GRIN2B: variants seen among roughly 807,000 people sequenced by gnomAD.
GRIN2B encodes glutamate ionotropic receptor NMDA type subunit 2B.
GRIN2B carries 5 observed loss-of-function variants against 114.5 expected under a neutral mutation model. That is an observed-to-expected ratio of 0.04 (90% confidence interval 0.02 to 0.09). GRIN2B has a LOEUF of 0.09. Ranked by LOEUF, GRIN2B falls within the 10% of genes least tolerant of loss-of-function variation. The probability of loss-of-function intolerance (pLI) is 1.00; values close to 1 mark genes in which losing one functional copy is unlikely to be tolerated. For missense variants in GRIN2B, 1,108 were observed against 1,943.5 expected (o/e 0.57, Z 8.08); for synonymous variants, 787 against 745.1 (o/e 1.06, Z -0.92).
chr12:13,640,966 A>G (rs1201082794), intron 5 of GRIN2B, among the ~76,000 whole-genome samples: 1 of 152,154 alleles, frequency 6.6e-6, no homozygotes, highest in Non-Finnish European at 1.5e-5. Flanking sequence ...GAGAAGAACC[A>G]TTTAGGGTAT....
chr12:13,957,180 T>C (rs1396684864), intron 2 of GRIN2B, among the ~76,000 whole-genome samples: 3 of 152,220 alleles, frequency 2.0e-5, no homozygotes, highest in Non-Finnish European at 4.4e-5. Flanking sequence ...TCATTTTCTG[T>C]TGCTTCCACT....
At chr12:13,850,816 C>T (rs779559609) in intron 3 of GRIN2B, among the ~76,000 whole-genome samples, 5 of 152,200 alleles carry the variant, frequency 3.3e-5, no homozygotes, top group Non-Finnish European at 7.3e-5. Flanking sequence ...CCATGGACTT[C>T]ACTGTCATTT....
chr12:13,772,336 T>G (rs1863922024), intron 3 of GRIN2B, among the ~76,000 whole-genome samples: 1 of 152,180 alleles, frequency 6.6e-6, no homozygotes, highest in Non-Finnish European at 1.5e-5. Context: ...CCTCTAGGCT[T>G]GTCCACTCTG....
At chr12:13,962,272 C>T (rs1867708556) in intron 2 of GRIN2B, among the ~76,000 whole-genome samples, 1 of 152,118 alleles carries the variant, frequency 6.6e-6, no homozygotes, top group South Asian at 2.1e-4. Flanking sequence ...TTCTTGTCTC[C>T]ACATCTACTT....
chr12:13,678,307 C>T (rs990348862), intron 4 of GRIN2B, among the ~76,000 whole-genome samples: 1 of 152,112 alleles, frequency 6.6e-6, no homozygotes, highest in African/African-American at 2.4e-5. Context: ...TAAGTTTCCC[C>T]AGTAAATCCT....
chr12:13,962,122 G>A (rs146259589), intron 2 of GRIN2B, among the ~76,000 whole-genome samples: 113 of 47,742 alleles, frequency 2.4e-3, no homozygotes, highest in African/African-American at 5.7e-3. Context: ...ACACACACAC[G>A]TGCACGAAGC....
chr12:13,909,239 A>T (rs1866592482), intron 2 of GRIN2B, among the ~76,000 whole-genome samples: 1 of 152,210 alleles, frequency 6.6e-6, no homozygotes, highest in African/African-American at 2.4e-5. Flanking sequence ...TGTATAGAAG[A>T]TCATATGCTA....
intron 3 of GRIN2B, among the ~76,000 whole-genome samples, chr12:13,856,547 G>A (rs1225143042): frequency 2.0e-5 from 3 of 152,068 alleles, no homozygotes; most frequent in Admixed American, 1.3e-4. Context: ...CTGTCGGAGG[G>A]GAAGGGAGGG....
intron 2 of GRIN2B, among the ~76,000 whole-genome samples, chr12:13,889,090 G>A (rs1249522877): frequency 3.3e-5 from 5 of 152,044 alleles, no homozygotes; most frequent in Admixed American, 2.6e-4. Flanking sequence ...CATTCTATAA[G>A]CTTTTTTCTA....
Position 13,576,548 on chromosome 12 carries a change from TTTTTC to T in GRIN2B, c.2011-4589_2011-4585del, listed in dbSNP as rs1316714747. On this transcript the variant is annotated intron_variant, in intron 10 of 13. Coordinates refer to ENST00000609686, the MANE Select transcript of GRIN2B (RefSeq NM_000834.5). ...TAGTACTCTTTATTTTCTTTTTTCT[TTTTTC>T]TTTTTTTTTTTGAAACAGAGTCTCA... Among the ~76,000 whole-genome samples, 21 of 145,130 alleles carry T rather than the reference TTTTTC, an allele frequency of 1.4e-4. No homozygotes were observed. The East Asian group carries it at 5.8e-3, about 40-fold the overall frequency.
At chr12:13,911,578 G>A (rs1866628068) in intron 2 of GRIN2B, among the ~76,000 whole-genome samples, 1 of 152,086 alleles carries the variant, frequency 6.6e-6, no homozygotes, top group African/African-American at 2.4e-5. Flanking sequence ...CTTTCTGGTG[G>A]GTCCCTTTTC....
At chr12:13,870,246 G>T (rs1865885366) in intron 2 of GRIN2B, among the ~76,000 whole-genome samples, 2 of 152,110 alleles carry the variant, frequency 1.3e-5, no homozygotes, top group Non-Finnish European at 2.9e-5. Context: ...AATCACTCAG[G>T]CCAGGGCCAG....
intron 2 of GRIN2B, among the ~76,000 whole-genome samples, chr12:13,884,997 C>T (rs1288480450): frequency 6.6e-6 from 1 of 151,918 alleles, no homozygotes; most frequent in Non-Finnish European, 1.5e-5. Context: ...TGAAGGATCA[C>T]AGAAAGTAAG....
intron 3 of GRIN2B, among the ~76,000 whole-genome samples, chr12:13,778,356 C>T (rs764752346): frequency 3.9e-5 from 6 of 152,172 alleles, no homozygotes; most frequent in African/African-American, 9.7e-5. Context: ...CAACTTTCTT[C>T]GATCATATTA....
chr12:13,806,582 G>C (rs1275014515), intron 3 of GRIN2B, among the ~76,000 whole-genome samples: 1 of 151,966 alleles, frequency 6.6e-6, no homozygotes, highest in Non-Finnish European at 1.5e-5. Flanking sequence ...TAGTTTTCTT[G>C]CTATTGAGTT....
At position 13,563,674 on chromosome 12, in the gene GRIN2B, G is replaced by T; in HGVS notation, c.3564C>A (p.Gly1188=). The part of the protein sequence containing the change: ...HIKHGTGDKH[G]VVSGVPAPWE... The stretch of plus-strand genomic sequence containing the variant: ...AAGGTGCAGGTACCCCGCTGACCAC[G>T]CCGTGTTTGTCGCCCGTCCCGTGCT... Residue 1188 remains glycine (G), a synonymous_variant, in exon 14 of 14, where the codon GGC becomes GGA. Transcript: ENST00000609686. The T allele has an allele frequency of 6.2e-7, 1 of 1,613,464 alleles. No individual in the cohort carries two copies. Among genetic ancestry groups the T allele is most frequent in the Non-Finnish European group, 8.5e-7 (1 of 1,179,972 alleles).
At chr12:13,936,854 A>T (rs1867137703) in intron 2 of GRIN2B, among the ~76,000 whole-genome samples, 2 of 152,128 alleles carry the variant, frequency 1.3e-5, no homozygotes, top group Admixed American at 1.3e-4. Flanking sequence ...TTACAAAAAA[A>T]AGATGCAAAT....
intron 11 of GRIN2B, among the ~76,000 whole-genome samples, chr12:13,570,529 G>A (rs746876096): frequency 6.6e-6 from 1 of 151,896 alleles, no homozygotes; most frequent in East Asian, 1.9e-4. Context: ...GAGGTGAGGG[G>A]TTGAGGTGGT....
chr12:13,566,906 G>A (rs1211313738), intron 13 of GRIN2B, 119 bp downstream of exon 13: 4 of 773,422 alleles, frequency 5.2e-6, no homozygotes, highest in East Asian at 4.9e-5. Context: ...TACATGATGT[G>A]GTTTCTTGCT....
Sources: gnomAD v4.1 joint callset for allele counts (sites outside exome capture counted in the v4.1 genomes callset) on GRCh38, gnomAD v4.1.1 for gene constraint, MANE v1.5 for transcripts, NCBI Gene and HGNC (gene_info 2026-07-23, HGNC 2026-07-21) for gene names.